The following SPON1 variants were observed in gnomAD, a reference collection of about 807,000 sequenced individuals.
SPON1 encodes the protein spondin 1.
A neutral mutation model predicts 111.7 loss-of-function variants in SPON1; 52 were observed. The ratio of observed to expected loss-of-function variants is 0.47; its 90% confidence interval spans 0.37 to 0.59. The LOEUF (loss-of-function observed/expected upper bound fraction) is 0.59, where lower values mean the gene tolerates loss of function less well. SPON1 is among the 20% of genes least tolerant of loss of function. SPON1 has a pLI of 0.00. For synonymous variants in SPON1, 410 were observed against 395.8 expected (o/e 1.04, Z -0.43); for missense variants, 957 against 1,068.5 (o/e 0.90, Z 1.46).
intron 6 of SPON1, among the ~76,000 whole-genome samples, chr11:14,203,254 C>G (rs10832231): frequency 6.6e-6 from 1 of 152,020 alleles, no homozygotes; most frequent in African/African-American, 2.4e-5. Flanking sequence ...GGGTAATTCA[C>G]TGAAATCTTG....
intron 6 of SPON1, among the ~76,000 whole-genome samples, chr11:14,161,001 A>ATTTATATATATT: frequency 1.2e-5 from 1 of 83,746 alleles, no homozygotes; most frequent in African/African-American, 5.1e-5. Context: ...ATTTTTATAT[A>ATTTATATATATT]TTTATATATT....
chr11:14,147,362 C>T (rs1340537675), intron 6 of SPON1, among the ~76,000 whole-genome samples: 1 of 151,796 alleles, frequency 6.6e-6, no homozygotes, highest in Admixed American at 6.6e-5. Context: ...TAGAACAAAG[C>T]TTCTTCCAAG....
intron 4 of SPON1, among the ~76,000 whole-genome samples, chr11:14,076,222 TAAATAA>T (rs1848916577): frequency 6.6e-6 from 1 of 152,194 alleles, no homozygotes; most frequent in African/African-American, 2.4e-5. Flanking sequence ...ATTGGATAAC[TAAATAA>T]AAATAAAAAA....
intron 6 of SPON1, among the ~76,000 whole-genome samples, chr11:14,153,008 A>G (rs1847805761): frequency 1.3e-5 from 2 of 152,192 alleles, no homozygotes; most frequent in South Asian, 2.1e-4. Context: ...TCAACCTCCA[A>G]GCACTCCAAA....
intron 2 of SPON1, among the ~76,000 whole-genome samples, chr11:14,033,073 C>G (rs1554916242): frequency 2.6e-5 from 4 of 152,168 alleles, no homozygotes; most frequent in African/African-American, 9.6e-5. Flanking sequence ...GAAGATGTCC[C>G]TTCTTATCCC....
At chr11:14,071,564 C>T (rs1054202073) in intron 3 of SPON1, among the ~76,000 whole-genome samples, 5 of 152,186 alleles carry the variant, frequency 3.3e-5, no homozygotes, top group Non-Finnish European at 7.3e-5. Context: ...CTCCTGTCCC[C>T]AAACCCTGTT....
chr11:14,001,084 G>A (rs144963266), intron 2 of SPON1, among the ~76,000 whole-genome samples: 3 of 152,264 alleles, frequency 2.0e-5, no homozygotes, highest in Middle Eastern at 3.4e-3. Flanking sequence ...CTGAGGTCAT[G>A]AGGCAAACCT....
chr11:14,094,388 G>T (rs146914512), intron 5 of SPON1, among the ~76,000 whole-genome samples: 1,673 of 152,016 alleles, frequency 0.011, 18 homozygotes, highest in Non-Finnish European at 0.017. Context: ...CAACACATTT[G>T]TATCAATTCA....
In SPON1 at chr11:14,160,824, T is replaced by C. The variant is rs1335341328; in HGVS notation, c.825+25256T>C. On this transcript the variant is annotated intron_variant, in intron 6 of 15. Transcript: ENST00000576479. ...TTTTTATATATATTTTTATATATATTTTATATATATTTATATATTTATATA... is the reference window on the plus strand; with the variant it reads ...TTTTTATATATATTTTTATATATATCTTATATATATTTATATATTTATATA... 1.6e-3 allele frequency among the ~76,000 whole-genome samples: 57 copies of C among 36,272 alleles called. 11 individuals carry two copies. The highest frequency in any genetic ancestry group is 2.5e-3 in the Non-Finnish European group (51 of 20,606). 23.8% of individuals were successfully genotyped at this position (36,272 alleles called of 152,430 possible).
chr11:14,079,751 A>G, intron 4 of SPON1, 148 bp from the exon 5 acceptor site: 1 of 748,458 alleles, frequency 1.3e-6, no homozygotes, highest in Non-Finnish European at 2.1e-6. Flanking sequence ...TTATTGCCCA[A>G]GTACTGATCT....
intron 6 of SPON1, among the ~76,000 whole-genome samples, chr11:14,159,943 A>G (rs1339361455): frequency 1.3e-5 from 2 of 152,010 alleles, no homozygotes; most frequent in East Asian, 3.9e-4. Flanking sequence ...CGGTACAAAA[A>G]CATAGTGAGA....
intron 6 of SPON1, among the ~76,000 whole-genome samples, chr11:14,206,308 C>T (rs1564930990): frequency 1.3e-5 from 2 of 152,140 alleles, no homozygotes; most frequent in African/African-American, 2.4e-5. Flanking sequence ...ATTCTTCTGC[C>T]TCAGCCTCCC....
intron 3 of SPON1, among the ~76,000 whole-genome samples, chr11:14,066,484 A>T (rs1287872137): frequency 2.0e-5 from 3 of 152,172 alleles, no homozygotes; most frequent in African/African-American, 7.2e-5. Flanking sequence ...CAGAGCTTCC[A>T]CAACCGGGAC....
At chr11:13,967,237 G>A (rs1034686454) in intron 1 of SPON1, among the ~76,000 whole-genome samples, 6 of 152,196 alleles carry the variant, frequency 3.9e-5, no homozygotes, top group Non-Finnish European at 7.3e-5. Context: ...GGAATAGAAT[G>A]AAATTCACTC....
At chr11:14,110,481 G>C (rs1290557061) in intron 5 of SPON1, among the ~76,000 whole-genome samples, 1 of 152,196 alleles carries the variant, frequency 6.6e-6, no homozygotes, top group Non-Finnish European at 1.5e-5. Context: ...GTTTATTGGG[G>C]AGAATTAGCT....
chr11:13,962,789 C>T lies in SPON1; in HGVS notation c.-116C>T, dbSNP rs1481350392. The T allele has an allele frequency of 2.0e-6, 2 of 1,006,572 alleles. No homozygotes were observed. Among genetic ancestry groups the T allele is most frequent in the African/African-American group, 3.4e-5 (2 of 58,006 alleles). 62.4% of individuals were successfully genotyped at this position (1,006,572 alleles called of 1,614,324 possible). A position where few individuals can be genotyped will look rare whatever the true frequency, so the allele number is the denominator to read the frequency against. On this transcript the variant is annotated 5_prime_UTR_variant, in exon 1 of 16. Transcript: ENST00000576479. ...GGTCTCCGAGTCGCGGACGCCAGCT[C>T]CGAGCTCCCTCTCTCCGCCGCGCCT... is the stretch of plus-strand genomic sequence containing the variant.
At chr11:14,093,725 A>G (rs548261714) in intron 5 of SPON1, among the ~76,000 whole-genome samples, 27 of 152,248 alleles carry the variant, frequency 1.8e-4, no homozygotes, top group African/African-American at 5.8e-4. Flanking sequence ...ACACTTAACA[A>G]CTACTTTTGT....
At chr11:14,082,660 A>G (rs1418391289) in intron 5 of SPON1, among the ~76,000 whole-genome samples, 4 of 152,220 alleles carry the variant, frequency 2.6e-5, no homozygotes, top group Non-Finnish European at 4.4e-5. Context: ...AAAGGAGTGA[A>G]CACTCAGGGA....
intron 6 of SPON1, among the ~76,000 whole-genome samples, chr11:14,140,302 T>G (rs190218138): frequency 1.7e-4 from 26 of 152,364 alleles, no homozygotes; most frequent in Admixed American, 1.7e-3. Context: ...TTTCTCATAA[T>G]CTTAGAGACT....
Sources: allele counts gnomAD v4.1 joint callset (sites outside exome capture counted in the v4.1 genomes callset), GRCh38; gene constraint gnomAD v4.1.1; transcripts MANE v1.5; gene names NCBI Gene and HGNC (gene_info 2026-07-23, HGNC 2026-07-21).